Variants in LYPD6 observed in about 807,000 individuals in gnomAD.
LYPD6 encodes ly6/PLAUR domain-containing protein 6.
In LYPD6, 15 loss-of-function variants were observed where a neutral mutation model predicts 22.7. That is an observed-to-expected ratio of 0.66 (90% CI 0.44 to 1.02). The LOEUF (loss-of-function observed/expected upper bound fraction) is 1.02, where lower values mean the gene tolerates loss of function less well. LYPD6 is among the 50% of genes least tolerant of loss of function. The probability of loss-of-function intolerance (pLI) is 0.00; values close to 1 mark genes in which losing one functional copy is unlikely to be tolerated. For missense variants in LYPD6, 189 were observed against 208.4 expected, an observed-to-expected ratio of 0.91 and a Z score of 0.57; for synonymous variants, 72 against 77.5, an observed-to-expected ratio of 0.93 and a Z score of 0.37.
intron 1 of LYPD6, among the ~76,000 whole-genome samples, chr2:149,341,765 A>G (rs1288550832): frequency 6.6e-6 from 1 of 152,184 alleles, no homozygotes; most frequent in East Asian, 1.9e-4. Context: ...CACACAGGGA[A>G]AGACAGAAGA....
At chr2:149,377,872 C>T (rs1243454303) in intron 1 of LYPD6, among the ~76,000 whole-genome samples, 2 of 140,302 alleles carry the variant, frequency 1.4e-5, no homozygotes, top group Non-Finnish European at 3.0e-5. Context: ...CTGGCTTTAT[C>T]ATTACTCTTG....
At chr2:149,463,893 A>T (rs1323012914) in intron 3 of LYPD6, among the ~76,000 whole-genome samples, 1 of 152,038 alleles carries the variant, frequency 6.6e-6, no homozygotes, top group African/African-American at 2.4e-5. Context: ...AGGGAAGAGG[A>T]TGTGACTATA....
intron 1 of LYPD6, among the ~76,000 whole-genome samples, chr2:149,350,263 G>T (rs1286081175): frequency 6.6e-6 from 1 of 152,158 alleles, no homozygotes; most frequent in Non-Finnish European, 1.5e-5. Context: ...TCTGTCAAAG[G>T]TTTTCATGGA....
chr2:149,469,607 A>C (rs976812599), intron 4 of LYPD6, among the ~76,000 whole-genome samples: 2 of 152,194 alleles, frequency 1.3e-5, no homozygotes, highest in African/African-American at 4.8e-5. Context: ...CCTCTTGAAT[A>C]CACTAATAAT....
intron 1 of LYPD6, among the ~76,000 whole-genome samples, chr2:149,361,541 G>A (rs1488201743): frequency 6.6e-6 from 1 of 152,114 alleles, no homozygotes; most frequent in East Asian, 1.9e-4. Flanking sequence ...TTTCTTGGTC[G>A]AGATAAACAG....
rs1048453491 is a variant in LYPD6, at chr2:149,407,836, GCT to G, written c.-71-29799_-71-29798del. Among the ~76,000 whole-genome samples, 81 of 152,240 alleles carry G rather than the reference GCT, an allele frequency of 5.3e-4. 1 individual carries two copies. The highest frequency in any genetic ancestry group is 1.1e-3 in the Non-Finnish European group (72 of 68,014). On this transcript the variant is annotated intron_variant, in intron 1 of 4. Transcript: ENST00000334166. Reference sequence around the variant, plus strand: ...GGTTTTTAGAGTTTCCAGTTTTTCTGCTCTGTTTTTTCCCCATCTTTGTGGTT... The same window carrying G: ...GGTTTTTAGAGTTTCCAGTTTTTCTGCTGTTTTTTCCCCATCTTTGTGGTT...
intron 1 of LYPD6, among the ~76,000 whole-genome samples, chr2:149,423,208 A>G (rs1434717563): frequency 2.0e-5 from 3 of 152,156 alleles, no homozygotes; most frequent in Non-Finnish European, 2.9e-5. Context: ...TTCCTCTTTC[A>G]TCAGCACTGT....
chr2:149,357,878 C>T (rs987410401), intron 1 of LYPD6, among the ~76,000 whole-genome samples: 2 of 151,420 alleles, frequency 1.3e-5, no homozygotes, highest in Non-Finnish European at 2.9e-5. Context: ...CTCCACCTTC[C>T]AGGTTCAAGC....
intron 3 of LYPD6, among the ~76,000 whole-genome samples, chr2:149,451,852 G>A (rs746796559): frequency 6.6e-6 from 1 of 152,156 alleles, no homozygotes; most frequent in Non-Finnish European, 1.5e-5. Flanking sequence ...ATAGGAATCT[G>A]GTTTCTTCTT....
At chr2:149,419,223 C>T (rs1463622707) in intron 1 of LYPD6, among the ~76,000 whole-genome samples, 1 of 152,118 alleles carries the variant, frequency 6.6e-6, no homozygotes, top group Non-Finnish European at 1.5e-5. Context: ...TCCTTTTGAT[C>T]CCCTTTTACT....
chr2:149,442,991 C>T (rs539203739), intron 2 of LYPD6, among the ~76,000 whole-genome samples: 7 of 152,258 alleles, frequency 4.6e-5, no homozygotes, highest in African/African-American at 1.4e-4. Context: ...GTCAACGATA[C>T]GTGCTGATAA....
chr2:149,438,223 A>G (rs1252189804), intron 2 of LYPD6, among the ~76,000 whole-genome samples: 1 of 152,216 alleles, frequency 6.6e-6, no homozygotes, highest in African/African-American at 2.4e-5. Flanking sequence ...TCTCAATTTC[A>G]GTGTAATTTC....
chr2:149,422,261 A>G (rs1451333614), intron 1 of LYPD6, among the ~76,000 whole-genome samples: 1 of 152,196 alleles, frequency 6.6e-6, no homozygotes, highest in Non-Finnish European at 1.5e-5. Context: ...TTTGCAATTG[A>G]GGAAACTAAG....
At chr2:149,398,737 A>G (rs1682484797) in intron 1 of LYPD6, among the ~76,000 whole-genome samples, 1 of 152,174 alleles carries the variant, frequency 6.6e-6, no homozygotes, top group Non-Finnish European at 1.5e-5. Flanking sequence ...AGAAGCCTGG[A>G]AACCAACATA....
chr2:149,436,605 G>A (rs1347920443), intron 1 of LYPD6, among the ~76,000 whole-genome samples: 1 of 152,020 alleles, frequency 6.6e-6, no homozygotes, highest in Non-Finnish European at 1.5e-5. Context: ...CTGAGATGGA[G>A]TTTCACTCTT....
chr2:149,356,388 A>G (rs1363216389), intron 1 of LYPD6, among the ~76,000 whole-genome samples: 2 of 152,154 alleles, frequency 1.3e-5, no homozygotes, highest in Non-Finnish European at 2.9e-5. Flanking sequence ...AGTAAAAGAA[A>G]AATCACTGTG....
intron 1 of LYPD6, among the ~76,000 whole-genome samples, chr2:149,334,246 A>G (rs1680991497): frequency 6.6e-6 from 1 of 152,164 alleles, no homozygotes; most frequent in Admixed American, 6.5e-5. Context: ...ACCAAAAGTG[A>G]ATTTGTTAAA....
At position 149,384,313 on chromosome 2, in the gene LYPD6, T is replaced by C. The variant is rs116515021; in HGVS notation, c.-71-53325T>C. 5.5e-3 allele frequency among the ~76,000 whole-genome samples: 834 copies of C among 152,348 alleles called. 3 individuals are homozygous for C. Among genetic ancestry groups the C allele is most frequent in the African/African-American group, 0.019 (800 of 41,582 alleles). Reference sequence around the variant, plus strand: ...ACATAAGCTGAAGGCAAAGTATTCTTATCACAAACTCCTGGGCATTTGTCA... The same window carrying C: ...ACATAAGCTGAAGGCAAAGTATTCTCATCACAAACTCCTGGGCATTTGTCA... On this transcript the variant is annotated intron_variant, in intron 1 of 4. Coordinates refer to ENST00000334166, the MANE Select transcript of LYPD6 (RefSeq NM_194317.5).
chr2:149,476,433 C>A (rs770814358), downstream of LYPD6, among the ~76,000 whole-genome samples: 6 of 152,066 alleles, frequency 3.9e-5, no homozygotes, highest in Non-Finnish European at 4.4e-5. Context: ...GTAGTTTTCT[C>A]GGGGTTTATG....
Sources: gnomAD v4.1 joint callset for allele counts (sites outside exome capture counted in the v4.1 genomes callset) on GRCh38, gnomAD v4.1.1 for gene constraint, MANE v1.5 for transcripts, NCBI Gene and HGNC (gene_info 2026-07-23, HGNC 2026-07-21) for gene names.